The following GADL1 variants were observed in gnomAD, a reference collection of about 807,000 sequenced individuals.
GADL1 encodes the protein acidic amino acid decarboxylase GADL1.
A neutral mutation model predicts 69.5 loss-of-function variants in GADL1; 71 were observed. The observed-to-expected ratio is 1.02, with a 90% CI of 0.84 to 1.25. GADL1 has a LOEUF of 1.25. Ranked by LOEUF, GADL1 falls within the 50% of genes most tolerant of loss-of-function variation. The probability of loss-of-function intolerance (pLI) is 0.00; values close to 1 mark genes in which losing one functional copy is unlikely to be tolerated. For missense variants in GADL1, 737 were observed against 631.8 expected (o/e 1.17, Z -1.79); for synonymous variants, 254 against 214.4 (o/e 1.18, Z -1.62).
In GADL1 at chr3:30,834,241, C is replaced by T. The variant is rs145400754; in HGVS notation, c.944G>A (p.Arg315His). The T allele has an allele frequency of 1.2e-4, 201 of 1,612,762 alleles. 1 individual carries two copies. The East Asian group carries it at 2.8e-3, about 22-fold the overall frequency. The change falls in exon 10 of 15, where the codon CGC becomes CAC. Residue 315 changes from arginine (R) to histidine (H), a missense_variant. Coordinates refer to ENST00000282538, the MANE Select transcript of GADL1 (RefSeq NM_207359.3). ...CCTGTGGATGCCATGCAGAAGCTTG[C>T]GGTGCTTCCTCGACATCAAAGCTGA... ...GGSALMSRKH[R>H]KLLHGIHRAD... is the part of the protein sequence containing the mutation.
At chr3:30,844,656 A>G (rs1052225908) in intron 6 of GADL1, among the ~76,000 whole-genome samples, 190 bp from the exon 7 acceptor site, 8 of 152,214 alleles carry the variant, frequency 5.3e-5, no homozygotes, top group African/African-American at 1.9e-4. Flanking sequence ...CAGAGAAACC[A>G]GGATTGAACG....
intron 1 of GADL1, among the ~76,000 whole-genome samples, chr3:30,870,675 G>A (rs946405037): frequency 6.6e-6 from 1 of 151,700 alleles, no homozygotes; most frequent in Non-Finnish European, 1.5e-5. Context: ...AGTCCAGGCA[G>A]TAGACAATGG....
At chr3:30,763,067 T>A (rs994408872) in intron 14 of GADL1, among the ~76,000 whole-genome samples, 2 of 152,230 alleles carry the variant, frequency 1.3e-5, no homozygotes, top group African/African-American at 4.8e-5. Context: ...TATACTGATA[T>A]CATTTTAGGT....
chr3:30,854,415 A>G (rs1396808329), intron 4 of GADL1, among the ~76,000 whole-genome samples: 1 of 152,176 alleles, frequency 6.6e-6, no homozygotes, highest in African/African-American at 2.4e-5. Context: ...CTTAGCACAG[A>G]AAATGACTTT....
rs967873082 is a variant in GADL1 at position 30,854,782 on chromosome 3, T to G, written c.345A>C (p.Pro115=). Residue 115 remains proline (P), a synonymous_variant, in exon 4 of 15, where the codon CCA becomes CCC. Transcript: ENST00000282538. The part of the protein sequence containing the change: ...VIHYSVKTNH[P]RFFNQLYAGL... ...CAGCATACAATTGGTTGAAAAATCT[T>G]GGGTGGTCTGTAAATTTAAAATGGA... The G allele has an allele frequency of 6.5e-7, 1 of 1,541,732 alleles. No homozygotes were observed. Among genetic ancestry groups the G allele is most frequent in the Non-Finnish European group, 8.8e-7 (1 of 1,139,054 alleles).
intron 14 of GADL1, among the ~76,000 whole-genome samples, chr3:30,740,013 T>C (rs1559483729): frequency 6.6e-6 from 1 of 152,156 alleles, no homozygotes. Context: ...TCAACACTCC[T>C]AGTGTTTAAG....
intron 14 of GADL1, among the ~76,000 whole-genome samples, chr3:30,747,929 A>T (rs1695732353): frequency 1.3e-5 from 2 of 152,226 alleles, no homozygotes; most frequent in South Asian, 4.1e-4. Context: ...TGAGTTTAGC[A>T]AAACTCCCTG....
At chr3:30,844,084 C>T (rs1698014175) in intron 8 of GADL1, 126 bp downstream of exon 8, 3 of 713,014 alleles carry the variant, frequency 4.2e-6, no homozygotes, top group African/African-American at 1.8e-5. Flanking sequence ...TCTCTCCTCT[C>T]TCCCACACAT....
intron 1 of GADL1, among the ~76,000 whole-genome samples, chr3:30,891,176 C>A (rs1317143133): frequency 6.6e-6 from 1 of 152,052 alleles, no homozygotes; most frequent in African/African-American, 2.4e-5. Context: ...AAACCTACCC[C>A]AAGAGAAGGG....
chr3:30,796,561 TGAGAGAGGAG>T (rs1221190553), intron 12 of GADL1, among the ~76,000 whole-genome samples: 1 of 152,124 alleles, frequency 6.6e-6, no homozygotes, highest in Admixed American at 6.6e-5. Context: ...TCGGGATTGT[TGAGAGAGGAG>T]TACTTTATCT....
intron 9 of GADL1, 90 bp from the exon 10 acceptor site, chr3:30,834,371 T>A (rs775474473): frequency 1.0e-5 from 10 of 953,374 alleles, no homozygotes; most frequent in African/African-American, 1.6e-5. Context: ...AGTGAGGACC[T>A]CAATCTGCAT....
intron 14 of GADL1, among the ~76,000 whole-genome samples, chr3:30,772,046 C>A (rs545554848): frequency 6.6e-6 from 1 of 152,312 alleles, no homozygotes; most frequent in South Asian, 2.1e-4. Flanking sequence ...TCACCCTACT[C>A]AGATTATGCA....
chr3:30,757,110 T>A (rs1037741074), intron 14 of GADL1, among the ~76,000 whole-genome samples: 1 of 152,120 alleles, frequency 6.6e-6, no homozygotes, highest in African/African-American at 2.4e-5. Context: ...GAACTTCTGA[T>A]CTCAGTAGAA....
intron 8 of GADL1, among the ~76,000 whole-genome samples, chr3:30,840,852 C>T (rs1486980874): frequency 1.3e-5 from 2 of 152,224 alleles, no homozygotes; most frequent in African/African-American, 2.4e-5. Flanking sequence ...TGGCATGCTG[C>T]CAGTGAGCTG....
intron 14 of GADL1, among the ~76,000 whole-genome samples, chr3:30,759,811 T>C (rs532979621): frequency 6.6e-6 from 1 of 152,274 alleles, no homozygotes; most frequent in South Asian, 2.1e-4. Flanking sequence ...CCAATATCTT[T>C]TAAGGTTGGG....
At chr3:30,854,357 A>G (rs1315864276) in intron 4 of GADL1, among the ~76,000 whole-genome samples, 2 of 152,178 alleles carry the variant, frequency 1.3e-5, no homozygotes, top group Non-Finnish European at 2.9e-5. Flanking sequence ...ATTATGCTCC[A>G]TGAGGGCAGA....
chr3:30,813,168 A>G (rs1218135579), intron 11 of GADL1, among the ~76,000 whole-genome samples: 1 of 152,198 alleles, frequency 6.6e-6, no homozygotes, highest in African/African-American at 2.4e-5. Context: ...GGTATTTGCT[A>G]TGTAACTGTC....
intron 11 of GADL1, among the ~76,000 whole-genome samples, chr3:30,827,364 GAGA>G (rs1697698402): frequency 6.6e-6 from 1 of 151,846 alleles, no homozygotes; most frequent in Non-Finnish European, 1.5e-5. Flanking sequence ...ACTGATGATT[GAGA>G]TCAGATAGTA....
At chr3:30,737,942 C>A (rs1170251247) in intron 14 of GADL1, among the ~76,000 whole-genome samples, 3 of 151,738 alleles carry the variant, frequency 2.0e-5, no homozygotes, top group Admixed American at 2.0e-4. Flanking sequence ...AACATAGTGA[C>A]AATGATGACA....
Sources: gnomAD v4.1 joint callset for allele counts (sites outside exome capture counted in the v4.1 genomes callset) on GRCh38, gnomAD v4.1.1 for gene constraint, MANE v1.5 for transcripts, NCBI Gene and HGNC (gene_info 2026-07-23, HGNC 2026-07-21) for gene names.